Variants in NFU1 observed in about 807,000 individuals in gnomAD.
NFU1 encodes the protein NFU1 iron-sulfur cluster scaffold.
Under a neutral mutation model 32.2 loss-of-function variants are expected in NFU1, and 30 were observed. That is an observed-to-expected ratio of 0.93 (90% CI 0.70 to 1.26). The LOEUF is 1.26. Ranked by LOEUF, NFU1 falls within the 50% of genes most tolerant of loss-of-function variation. The probability of loss-of-function intolerance (pLI) is 0.00; values close to 1 mark genes in which losing one functional copy is unlikely to be tolerated. For missense variants in NFU1, 306 were observed against 306.6 expected (o/e 1.00, Z 0.02); for synonymous variants, 112 against 104.6 (o/e 1.07, Z -0.43).
At chr2:69,439,146 T>TCTCTAGTTTTTCACTTCCCA (rs1332521280), upstream of NFU1, among the ~76,000 whole-genome samples, 31 of 152,050 alleles carry the variant, frequency 2.0e-4, no homozygotes, top group African/African-American at 7.0e-4. Flanking sequence ...GCACTCTTAG[T>TCTCTAGTTTTTCACTTCCCA]CTCTAGTTTT....
intron 4 of NFU1, 58 bp from the exon 5 acceptor site, chr2:69,415,357 A>G (rs889340878): frequency 5.8e-5 from 55 of 941,434 alleles, no homozygotes; most frequent in African/African-American, 8.2e-5. Flanking sequence ...ACCCATACAG[A>G]ACACTACCTT....
At chr2:69,407,692 GAAAAGAAAAAGAAA>G (rs1381381553) in intron 5 of NFU1, among the ~76,000 whole-genome samples, 1,709 of 128,578 alleles carry the variant, frequency 0.013, 28 homozygotes, top group East Asian at 0.041. Flanking sequence ...AAAAAAAAAA[GAAAAGAAAAAGAAA>G]AAAAGGAAAA....
At position 69,437,385 on chromosome 2, in the gene NFU1, G is replaced by A. The variant is rs904848123; in HGVS notation, c.38C>T (p.Ala13Val). 6.2e-7 allele frequency: 1 copy of A among 1,609,314 alleles called. No homozygotes were observed. Among genetic ancestry groups the A allele is most frequent in the African/African-American group, 1.3e-5 (1 of 74,916 alleles). The change falls in exon 1 of 8, where the codon GCT becomes GTT. Residue 13 changes from alanine to valine, a missense_variant. Transcript: ENST00000410022. ...CCGCCTGCGCAGCCCGGCGGCAACA[G>A]CCGCAGCTCCCCAGCCCCGCCTGGC... is the stretch of plus-strand genomic sequence containing the variant. ...ATARRGWGAA[A>V]VAAGLRRRFC...
At chr2:69,424,554 T>G (rs1438314047) in intron 2 of NFU1, among the ~76,000 whole-genome samples, 1 of 152,122 alleles carries the variant, frequency 6.6e-6, no homozygotes, top group African/African-American at 2.4e-5. Flanking sequence ...CCTTCCAAAC[T>G]GTTGGGATTA....
intron 2 of NFU1, among the ~76,000 whole-genome samples, chr2:69,424,032 G>A (rs1046646404): frequency 1.3e-5 from 2 of 151,278 alleles, no homozygotes; most frequent in Non-Finnish European, 2.9e-5. Context: ...AATTAGCCAG[G>A]CGTGGTGGCG....
At position 69,396,757 on chromosome 2, in the gene NFU1, A is replaced by G. The variant is rs574491889; in HGVS notation, c.721-467T>C. ...AAGAGGCTACCCATAGCAGAGTCTC[A>G]GCTGGGCAGAAAAGACTATAAATAA... On this transcript the variant is annotated intron_variant, in intron 7 of 7. Transcript: ENST00000410022. 5.9e-5 allele frequency among the ~76,000 whole-genome samples: 9 copies of G among 152,338 alleles called. 1 individual carries two copies. The South Asian group carries it at 1.9e-3, about 32-fold the overall frequency.
At chr2:69,398,607 C>T (rs1429353521) in intron 7 of NFU1, among the ~76,000 whole-genome samples, 1 of 152,232 alleles carries the variant, frequency 6.6e-6, no homozygotes, top group Admixed American at 6.5e-5. Flanking sequence ...TCCAGAGGGG[C>T]TGACTTCAAT....
chr2:69,404,615 A>ATTTGTTTTTTTTTTTTTTTTT (rs1672635628), intron 6 of NFU1, among the ~76,000 whole-genome samples: 1 of 73,008 alleles, frequency 1.4e-5, no homozygotes, highest in African/African-American at 6.3e-5. Context: ...ATCTTAGCAA[A>ATTTGTTTTTTTTTTTTTTTTT]TTTTTTTTTT....
upstream of NFU1, among the ~76,000 whole-genome samples, chr2:69,438,240 G>A (rs1224867455): frequency 2.7e-5 from 4 of 149,884 alleles, no homozygotes; most frequent in African/African-American, 7.4e-5. Flanking sequence ...AGAAATCTTT[G>A]TTACTTGCTT....
chr2:69,422,987 G>T (rs1032274078), intron 3 of NFU1, among the ~76,000 whole-genome samples: 2 of 149,652 alleles, frequency 1.3e-5, no homozygotes, highest in Non-Finnish European at 3.0e-5. Context: ...ACATTTTTGG[G>T]TTTTTTTGAG....
At chr2:69,424,125 T>C (rs1454067330) in intron 2 of NFU1, among the ~76,000 whole-genome samples, 2 of 123,826 alleles carry the variant, frequency 1.6e-5, no homozygotes, top group Non-Finnish European at 3.1e-5. Context: ...TGAGCCGAGA[T>C]TGCACCACTG....
At chr2:69,403,357 T>C (rs1672587171) in intron 6 of NFU1, among the ~76,000 whole-genome samples, 3 of 152,176 alleles carry the variant, frequency 2.0e-5, no homozygotes, top group African/African-American at 7.2e-5. Flanking sequence ...ATGAATTATT[T>C]TTTATTCTAT....
At chr2:69,438,906 A>ACC (rs1442812502), upstream of NFU1, among the ~76,000 whole-genome samples, 17 of 30,636 alleles carry the variant, frequency 5.5e-4, no homozygotes, top group African/African-American at 8.9e-4. Context: ...CCCCCCACCC[A>ACC]CCCCCCCACA....
At chr2:69,400,294 C>G (rs1672477744) in intron 7 of NFU1, 70 bp downstream of exon 7, 3 of 1,360,510 alleles carry the variant, frequency 2.2e-6, no homozygotes, top group African/African-American at 2.9e-5. Context: ...ACATCTATTT[C>G]CAGCCTTTGT....
intron 1 of NFU1, among the ~76,000 whole-genome samples, chr2:69,434,167 C>T (rs765072886): frequency 4.1e-5 from 6 of 147,340 alleles, no homozygotes; most frequent in East Asian, 2.0e-4. Context: ...TTTTGTGAGA[C>T]GGAGTCTTGC....
upstream of NFU1, chr2:69,437,483 G>C: frequency 6.3e-7 from 1 of 1,576,366 alleles, no homozygotes; most frequent in East Asian, 2.3e-5. Flanking sequence ...CGCAGCCGCA[G>C]GCTGGCCGGT....
chr2:69,406,733 A>T (rs969626276), intron 5 of NFU1, among the ~76,000 whole-genome samples: 24 of 152,036 alleles, frequency 1.6e-4, no homozygotes, highest in African/African-American at 5.6e-4. Context: ...CACCACACCC[A>T]GGCAATTTTT....
At chr2:69,431,377 C>A (rs1673633771) in intron 2 of NFU1, among the ~76,000 whole-genome samples, 1 of 152,292 alleles carries the variant, frequency 6.6e-6, no homozygotes, top group East Asian at 1.9e-4. Context: ...GTGATCACGG[C>A]TCACTGCAAG....
chr2:69,424,278 GGTTTTTTGTTTTTGTTTTT>G (rs1211331793), intron 2 of NFU1, among the ~76,000 whole-genome samples: 5 of 147,762 alleles, frequency 3.4e-5, no homozygotes, highest in Non-Finnish European at 5.9e-5. Flanking sequence ...TTGGTTTTTG[GGTTTTTTGTTTTTGTTTTT>G]GTTTTTTTTG....
Sources: allele counts gnomAD v4.1 joint callset (sites outside exome capture counted in the v4.1 genomes callset), GRCh38; gene constraint gnomAD v4.1.1; transcripts MANE v1.5; gene names NCBI Gene and HGNC (gene_info 2026-07-23, HGNC 2026-07-21).